ZNF331: variants seen among roughly 807,000 people sequenced by gnomAD.
ZNF331 encodes the protein zinc finger protein 331.
In ZNF331, 2 loss-of-function variants were observed where a neutral mutation model predicts 7.0. The ratio of observed to expected loss-of-function variants is 0.29; its 90% CI spans 0.12 to 0.90. ZNF331 has a LOEUF of 0.90. Ranked by LOEUF, ZNF331 falls within the 40% of genes least tolerant of loss-of-function variation. The probability of loss-of-function intolerance (pLI) is 0.58; values close to 1 mark genes in which losing one functional copy is unlikely to be tolerated. For missense variants in ZNF331, 432 were observed against 587.7 expected, an observed-to-expected ratio of 0.74 and a Z score of 2.74; for synonymous variants, 196 against 205.4, an observed-to-expected ratio of 0.95 and a Z score of 0.39.
In ZNF331 at chr19:53,556,226, C is replaced by G. The variant is rs28654515; in HGVS notation, c.-74+318C>G. 6.1e-3 allele frequency among the ~76,000 whole-genome samples: 740 copies of G among 121,972 alleles called. 6 individuals are homozygous for G. Among genetic ancestry groups the G allele is most frequent in the South Asian group, 0.018 (70 of 3,946 alleles). 80.0% of individuals were successfully genotyped at this position (121,972 alleles called of 152,430 possible). On this transcript the variant is annotated intron_variant, in intron 3 of 5. Coordinates refer to ENST00000449416, the MANE Select transcript of ZNF331 (RefSeq NM_001079906.2). Reference sequence around the variant, plus strand: ...CCGCTTCACTCCAGCCTGGGCAACACAGCGAGACTCCATCTCAAAAAAAAA... The same window carrying G: ...CCGCTTCACTCCAGCCTGGGCAACAGAGCGAGACTCCATCTCAAAAAAAAA...
the ZNF331 span, among the ~76,000 whole-genome samples, chr19:53,513,916 C>T: frequency 3.9e-5 from 6 of 151,932 alleles, no homozygotes; most frequent in Non-Finnish European, 8.8e-5. Flanking sequence ...AGCCCCTTTG[C>T]TCATCTTTAA....
exon 1 of ZNF331, chr19:53,521,134 G>A (rs985327321): frequency 2.0e-5 from 3 of 152,250 alleles, no homozygotes; most frequent in African/African-American, 7.2e-5. Flanking sequence ...CTGCGCCTGA[G>A]ACCTTGTTTC....
At chr19:53,518,140 C>G (rs898991638), upstream of ZNF331, among the ~76,000 whole-genome samples, 3 of 152,240 alleles carry the variant, frequency 2.0e-5, no homozygotes, top group African/African-American at 7.2e-5. Context: ...AGGTAGAACA[C>G]AGAAGGCAGA....
intron 5 of ZNF331, among the ~76,000 whole-genome samples, chr19:53,572,785 A>T (rs76213348): frequency 6.6e-6 from 1 of 152,040 alleles, no homozygotes; most frequent in Non-Finnish European, 1.5e-5. Context: ...GGAGATGAGG[A>T]TACTGAAACA....
Position 53,569,381 on chromosome 19 carries a change from C to T in ZNF331, c.5C>T (p.Ala2Val). The T allele has an allele frequency of 6.2e-7, 1 of 1,613,846 alleles. No individual in the cohort carries two copies. The highest frequency in any genetic ancestry group is 8.5e-7 in the Non-Finnish European group (1 of 1,179,910). Residue 2 changes from alanine (A) to valine (V), a missense_variant, in exon 4 of 6, where the codon GCC becomes GTC. Around this residue, in one of 3 missense-constraint regions of ZNF331, gnomAD observed 39 missense variants for 68.8 expected, o/e 0.57. Coordinates refer to ENST00000449416, the MANE Select transcript of ZNF331 (RefSeq NM_001079906.2). ...CAGTTCTTCAGTTCTAAAACAATGG[C>T]CCAGGTAAGTGTATATTTCTCTTTC... is the stretch of plus-strand genomic sequence containing the variant. The part of the protein sequence containing the change: M[A>V]QGLVTFADVA...
At chr19:53,522,700 G>A (rs1248290243) in intron 2 of ZNF331, 1 of 152,128 alleles carries the variant, frequency 6.6e-6, no homozygotes, top group Non-Finnish European at 1.5e-5. Flanking sequence ...TTAGCTTTTT[G>A]TTCATTCAAT....
upstream of ZNF331, among the ~76,000 whole-genome samples, chr19:53,519,806 C>A (rs575811931): frequency 5.1e-4 from 78 of 152,272 alleles, no homozygotes; most frequent in African/African-American, 1.8e-3. Context: ...AAGGTCCCTA[C>A]ACACATGCCT....
intron 2 of ZNF331, among the ~76,000 whole-genome samples, chr19:53,545,876 G>A (rs2088562311): frequency 6.6e-6 from 1 of 152,166 alleles, no homozygotes; most frequent in Admixed American, 6.5e-5. Flanking sequence ...GGGAGTCCTT[G>A]TGGAGGGAGA....
At chr19:53,510,493 G>A in the ZNF331 span, among the ~76,000 whole-genome samples, 1 of 145,350 alleles carries the variant, frequency 6.9e-6, no homozygotes, top group Admixed American at 7.0e-5. Flanking sequence ...CTTACTATGT[G>A]TTGTAAAGAA....
chr19:53,565,727 C>T (rs1466234767), intron 3 of ZNF331, among the ~76,000 whole-genome samples: 1 of 151,888 alleles, frequency 6.6e-6, no homozygotes, highest in Non-Finnish European at 1.5e-5. Context: ...CGGGGTTTCA[C>T]CATGTTGGCC....
chr19:53,511,831 ACT>A, the ZNF331 span: 2 of 152,204 alleles, frequency 1.3e-5, no homozygotes, highest in Admixed American at 1.3e-4. Context: ...GAAATGCATG[ACT>A]CTCAGGAGAC....
intron 1 of ZNF331, chr19:53,538,572 T>G (rs1600254276): frequency 6.6e-6 from 1 of 151,152 alleles, no homozygotes; most frequent in Non-Finnish European, 1.5e-5. Flanking sequence ...CCGTGTGGGG[T>G]GGTGGGGCCC....
At chr19:53,503,362 G>A in the ZNF331 span, 1 of 431,688 alleles carries the variant, frequency 2.3e-6, no homozygotes, top group Non-Finnish European at 4.3e-6. Context: ...TGTCTCTGAA[G>A]ATAAGTAGCA....
chr19:53,523,141 A>G (rs1317484958), intron 2 of ZNF331: 1 of 152,116 alleles, frequency 6.6e-6, no homozygotes, highest in African/African-American at 2.4e-5. Context: ...GCTGATGAAC[A>G]TATCCATCAC....
Position 53,530,439 on chromosome 19 carries a change from C to A in ZNF331, c.-205+7755C>A, listed in dbSNP as rs368057287. On this transcript the variant is annotated intron_variant, in intron 2 of 6. Coordinates refer to the ZNF331 transcript ENST00000253144. ...GCAAGTATTCAAGCCATACCGCCCA[C>A]GGATGTCGATTTATAACCAAATAAT... 3.3e-5 allele frequency among the ~76,000 whole-genome samples: 5 copies of A among 152,276 alleles called. No homozygotes were observed. The East Asian group carries it at 9.6e-4, about 29-fold the overall frequency.
chr19:53,559,045 C>T (rs998593668), intron 3 of ZNF331, among the ~76,000 whole-genome samples: 3 of 150,834 alleles, frequency 2.0e-5, no homozygotes, highest in African/African-American at 4.9e-5. Context: ...TATATACACA[C>T]CATACATATA....
intron 2 of ZNF331, among the ~76,000 whole-genome samples, chr19:53,526,955 C>T (rs1279435158): frequency 6.6e-6 from 1 of 151,618 alleles, no homozygotes; most frequent in Non-Finnish European, 1.5e-5. Flanking sequence ...CTTTAGGAGG[C>T]CAAGGCAGGC....
chr19:53,529,121 G>A (rs1250873362), intron 2 of ZNF331, among the ~76,000 whole-genome samples: 1 of 152,058 alleles, frequency 6.6e-6, no homozygotes, highest in African/African-American at 2.4e-5. Context: ...ATTCTCTGAA[G>A]GCTGGGCGTG....
chr19:53,506,456 C>T, the ZNF331 span, among the ~76,000 whole-genome samples: 1 of 102,028 alleles, frequency 9.8e-6, no homozygotes, highest in Non-Finnish European at 1.9e-5. Context: ...CTCTCTCTCT[C>T]TCTCTCTCTC....
Sources: gnomAD v4.1 joint callset for allele counts (sites outside exome capture counted in the v4.1 genomes callset) on GRCh38, gnomAD v4.1.1 for gene constraint, gnomAD v4.1.1 regional missense constraint, MANE v1.5 for transcripts, NCBI Gene and HGNC (gene_info 2026-07-23, HGNC 2026-07-21) for gene names.